Variants in TAFA2 observed in about 807,000 individuals in gnomAD.
TAFA2 encodes TAFA chemokine like family member 2.
TAFA2 carries 7 observed loss-of-function variants against 18.8 expected under a neutral mutation model. That is an observed-to-expected ratio of 0.37 (90% CI 0.21 to 0.70). The LOEUF (loss-of-function observed/expected upper bound fraction) is 0.70, where lower values mean the gene tolerates loss of function less well. Ranked by LOEUF, TAFA2 falls within the 30% of genes least tolerant of loss-of-function variation. The pLI, the probability that TAFA2 is intolerant of heterozygous loss-of-function variation, is 0.53. For synonymous variants in TAFA2, 60 were observed against 54.2 expected, an observed-to-expected ratio of 1.11 and a Z score of -0.47; for missense variants, 122 against 158.1, an observed-to-expected ratio of 0.77 and a Z score of 1.23.
chr12:62,180,139 T>A (rs1457306293), intron 1 of TAFA2, among the ~76,000 whole-genome samples: 2 of 152,242 alleles, frequency 1.3e-5, no homozygotes, highest in African/African-American at 2.4e-5. Flanking sequence ...AAGCTTGATT[T>A]CAATTCCATG....
intron 2 of TAFA2, among the ~76,000 whole-genome samples, chr12:61,800,560 G>C (rs534375976): frequency 2.0e-5 from 3 of 152,232 alleles, no homozygotes; most frequent in Admixed American, 6.5e-5. Context: ...GAAGTGATTT[G>C]CTACAACAGT....
At chr12:61,940,339 G>T (rs999947786) in intron 1 of TAFA2, among the ~76,000 whole-genome samples, 2 of 152,190 alleles carry the variant, frequency 1.3e-5, no homozygotes, top group African/African-American at 4.8e-5. Flanking sequence ...GGTGGTAGAT[G>T]GTGGTATGGA....
At chr12:61,855,794 G>T (rs1330302537) in intron 2 of TAFA2, among the ~76,000 whole-genome samples, 6 of 151,926 alleles carry the variant, frequency 3.9e-5, no homozygotes, top group Admixed American at 2.6e-4. Context: ...ATATGAGAAA[G>T]GCAACGTGAA....
At chr12:61,910,473 G>C (rs1876561540) in intron 1 of TAFA2, among the ~76,000 whole-genome samples, 1 of 152,122 alleles carries the variant, frequency 6.6e-6, no homozygotes, top group Non-Finnish European at 1.5e-5. Context: ...CTTTCTACCA[G>C]CCTCTCAATT....
intron 1 of TAFA2, among the ~76,000 whole-genome samples, chr12:62,230,079 C>CT (rs2062805594): frequency 6.6e-6 from 1 of 151,840 alleles, no homozygotes; most frequent in Admixed American, 6.6e-5. Flanking sequence ...TTATGTTCCC[C>CT]TTTTCATTTC....
intron 4 of TAFA2, among the ~76,000 whole-genome samples, chr12:61,717,083 C>A (rs373143483): frequency 2.0e-5 from 3 of 152,188 alleles, no homozygotes; most frequent in Admixed American, 2.0e-4. Flanking sequence ...CTTACACATA[C>A]ATGAAATAAG....
chr12:61,957,179 G>T (rs557944032), intron 1 of TAFA2, among the ~76,000 whole-genome samples: 1 of 152,234 alleles, frequency 6.6e-6, no homozygotes, highest in South Asian at 2.1e-4. Context: ...AGAATAAGGA[G>T]ATCTTTGGTG....
Position 62,236,218 on chromosome 12 carries a change from T to A in TAFA2, c.-130+22545A>T, listed in dbSNP as rs140241867. Among the ~76,000 whole-genome samples, 133 of 152,178 alleles carry A rather than the reference T, an allele frequency of 8.7e-4. 2 individuals are homozygous for A. Among genetic ancestry groups the A allele is most frequent in the African/African-American group, 3.0e-3 (124 of 41,544 alleles). On this transcript the variant is annotated intron_variant, in intron 1 of 5. Coordinates refer to the TAFA2 transcript ENST00000551619. ...CTAGAATATTCTGAATTTATGCGTG[T>A]ATTTACTTTACCAGCGAGTTTATGC...
At chr12:62,105,109 T>A (rs1565745877) in intron 1 of TAFA2, among the ~76,000 whole-genome samples, 1 of 152,198 alleles carries the variant, frequency 6.6e-6, no homozygotes, top group Non-Finnish European at 1.5e-5. Context: ...TTTTCAACTT[T>A]TATTTGTCCT....
intron 1 of TAFA2, among the ~76,000 whole-genome samples, chr12:61,996,636 A>G (rs867481121): frequency 1.3e-5 from 2 of 152,130 alleles, no homozygotes; most frequent in African/African-American, 2.4e-5. Flanking sequence ...AGCTGCCCAC[A>G]GTTGTAAGCA....
At chr12:61,915,675 T>C (rs1224291937) in intron 1 of TAFA2, among the ~76,000 whole-genome samples, 1 of 152,168 alleles carries the variant, frequency 6.6e-6, no homozygotes, top group Non-Finnish European at 1.5e-5. Context: ...GTCTGAGAAC[T>C]GTGAGAGGGG....
chr12:61,932,386 C>T (rs1287042479), intron 1 of TAFA2, among the ~76,000 whole-genome samples: 4 of 152,076 alleles, frequency 2.6e-5, no homozygotes, highest in Admixed American at 6.5e-5. Context: ...AGAAATCACT[C>T]GAGAAGTGAA....
At chr12:61,723,101 T>C (rs1344551854) in intron 4 of TAFA2, among the ~76,000 whole-genome samples, 1 of 152,160 alleles carries the variant, frequency 6.6e-6, no homozygotes, top group African/African-American at 2.4e-5. Flanking sequence ...TCTTTGTGTT[T>C]GTTTTAGCTT....
At chr12:62,141,488 C>G (rs1024058704) in intron 1 of TAFA2, among the ~76,000 whole-genome samples, 3 of 152,170 alleles carry the variant, frequency 2.0e-5, no homozygotes, top group African/African-American at 7.2e-5. Context: ...CTGTTCCCTT[C>G]TTTGAGGATA....
intron 1 of TAFA2, among the ~76,000 whole-genome samples, chr12:61,959,516 C>T (rs570106235): frequency 5.3e-5 from 8 of 152,038 alleles, no homozygotes; most frequent in South Asian, 2.1e-4. Flanking sequence ...GGCCAACTCA[C>T]CAAATTTTCT....
chr12:61,904,781 T>C (rs1213425734), intron 1 of TAFA2, among the ~76,000 whole-genome samples: 1 of 152,166 alleles, frequency 6.6e-6, no homozygotes, highest in Non-Finnish European at 1.5e-5. Flanking sequence ...AAAAAAATCA[T>C]ACTCTAATTA....
chr12:62,168,221 T>C lies in TAFA2; in HGVS notation c.-2+23038A>G, dbSNP rs149475752. Among the ~76,000 whole-genome samples, 542 of 152,250 alleles carry C rather than the reference T, an allele frequency of 3.6e-3. 1 individual carries two copies. The highest frequency in any genetic ancestry group is 0.013 in the African/African-American group (524 of 41,560). On this transcript the variant is annotated intron_variant, in intron 1 of 4. Transcript: ENST00000416284. Reference sequence around the variant, plus strand: ...AAAAAGGAATCATAGAATTCTTATATCACGACTTTGTAACCCATCACTAAT... The same window carrying C: ...AAAAAGGAATCATAGAATTCTTATACCACGACTTTGTAACCCATCACTAAT...
intron 1 of TAFA2, among the ~76,000 whole-genome samples, chr12:62,235,865 T>C (rs1326334271): frequency 6.6e-6 from 1 of 152,036 alleles, no homozygotes; most frequent in African/African-American, 2.4e-5. Flanking sequence ...TACGGGTTCA[T>C]GGCACTGCAC....
chr12:62,149,676 TA>T (rs1016358458), intron 1 of TAFA2, among the ~76,000 whole-genome samples: 5 of 151,422 alleles, frequency 3.3e-5, no homozygotes, highest in African/African-American at 4.8e-5. Context: ...ATTACTATCA[TA>T]AAAAAAGTAT....
Sources: gnomAD v4.1 joint callset for allele counts (sites outside exome capture counted in the v4.1 genomes callset) on GRCh38, gnomAD v4.1.1 for gene constraint, MANE v1.5 for transcripts, NCBI Gene and HGNC (gene_info 2026-07-23, HGNC 2026-07-21) for gene names.